SLC47A2: variants seen among roughly 807,000 people sequenced by gnomAD.
SLC47A2 encodes the protein multidrug and toxin extrusion protein 2.
A neutral mutation model predicts 67.7 loss-of-function variants in SLC47A2; 52 were observed. The observed-to-expected ratio is 0.77, with a 90% confidence interval of 0.61 to 0.97. The LOEUF (loss-of-function observed/expected upper bound fraction) is 0.97. SLC47A2 is among the 50% of genes least tolerant of loss of function. The pLI, the probability that SLC47A2 is intolerant of heterozygous loss-of-function variation, is 0.00. For synonymous variants in SLC47A2, 278 were observed against 292.9 expected (o/e 0.95, Z 0.52); for missense variants, 676 against 712.3 (o/e 0.95, Z 0.58).
At chr17:19,680,901 G>C (rs946353788) in intron 15 of SLC47A2, among the ~76,000 whole-genome samples, 2 of 152,178 alleles carry the variant, frequency 1.3e-5, no homozygotes, top group African/African-American at 4.8e-5. Flanking sequence ...AGGAGCCACT[G>C]TTGAGGCTCA....
At chr17:19,682,560 C>T (rs1483703280) in intron 13 of SLC47A2, among the ~76,000 whole-genome samples, 1 of 152,164 alleles carries the variant, frequency 6.6e-6, no homozygotes, top group African/African-American at 2.4e-5. Flanking sequence ...AGCCTCACAT[C>T]TCCTCTGACT....
chr17:19,679,204 G>A (rs771440762), intron 16 of SLC47A2, among the ~76,000 whole-genome samples: 21 of 152,192 alleles, frequency 1.4e-4, no homozygotes, highest in Admixed American at 4.6e-4. Context: ...GGCTTCAAAA[G>A]CACGTGGGAA....
intron 13 of SLC47A2, among the ~76,000 whole-genome samples, chr17:19,699,811 A>T (rs1264331657): frequency 6.6e-6 from 1 of 152,226 alleles, no homozygotes; most frequent in African/African-American, 2.4e-5. Context: ...ACAAATCCAC[A>T]CAAAGACTTC....
chr17:19,697,454 A>C (rs906929652), intron 13 of SLC47A2, among the ~76,000 whole-genome samples: 6 of 152,158 alleles, frequency 3.9e-5, no homozygotes, highest in African/African-American at 1.4e-4. Context: ...CAAAAAGACA[A>C]CCAAAAAAAG....
intron 13 of SLC47A2, among the ~76,000 whole-genome samples, chr17:19,682,781 T>C (rs1008455813): frequency 6.6e-6 from 1 of 152,234 alleles, no homozygotes; most frequent in Non-Finnish European, 1.5e-5. Context: ...GTTGTTAGCT[T>C]ATTCCATATG....
intron 1 of SLC47A2, chr17:19,715,697 G>GGT (rs1555543675): frequency 1.0e-5 from 1 of 99,472 alleles, no homozygotes; most frequent in Non-Finnish European, 1.9e-5. Flanking sequence ...TTTTGGTTTT[G>GGT]TTTTTTTTGT....
At chr17:19,704,640 T>C (rs1402510700) in intron 10 of SLC47A2, 1 of 1,544,562 alleles carries the variant, frequency 6.5e-7, no homozygotes, top group South Asian at 1.2e-5. Flanking sequence ...AGGGATAACA[T>C]GCAGATGCGT....
At chr17:19,704,785 G>T in intron 10 of SLC47A2, 2 of 1,072,164 alleles carry the variant, frequency 1.9e-6, no homozygotes, top group Non-Finnish European at 2.7e-6. Flanking sequence ...GCCGACTGCA[G>T]TGTGCAGGAA....
chr17:19,681,340 G>T (rs1484230376), intron 15 of SLC47A2, 27 bp downstream of exon 15: 2 of 1,562,244 alleles, frequency 1.3e-6, no homozygotes, highest in Non-Finnish European at 1.7e-6. Flanking sequence ...AGGGTGTCTT[G>T]TGGCCAGGGT....
In SLC47A2 at chr17:19,706,703, G is replaced by A. The variant is rs199838072; in HGVS notation, c.786C>T (p.Ser262=). 1.2e-5 allele frequency: 20 copies of A among 1,611,198 alleles called. No homozygotes were observed. The highest frequency in any genetic ancestry group is 5.4e-5 in the African/African-American group (4 of 74,748). The change falls in exon 9 of 17, where the codon AGC becomes AGT. Residue 262 remains serine (S), a synonymous_variant. Transcript: ENST00000433844. ...WGPFFSLAVP[S]MLMICVEWWA... ...ACCACTCAACACAGATCATGAGCAT[G>A]CTGGGGACAGCCAGGGAGAAGAAGG...
At chr17:19,678,951 G>A (rs2085251154) in intron 16 of SLC47A2, 45 bp from the exon 17 acceptor site, 3 of 1,527,402 alleles carry the variant, frequency 2.0e-6, no homozygotes, top group East Asian at 2.5e-5. Context: ...AGGGGTCAGA[G>A]GGAGAGCTTT....
chr17:19,679,928 TAGA>T, intron 16 of SLC47A2, 21 bp downstream of exon 16: 1 of 1,607,088 alleles, frequency 6.2e-7, no homozygotes, highest in African/African-American at 1.3e-5. Context: ...TGTACCAAAG[TAGA>T]AGCAGCGGTG....
In SLC47A2 at chr17:19,713,971, G is replaced by C; in HGVS notation, c.297C>G (p.Ser99Arg). Residue 99 changes from serine to arginine, a missense_variant and splice_region_variant, in exon 4 of 17, where the codon AGC becomes AGG. Physicochemically the swap from Ser to Arg is moderately radical, Grantham distance 110. Transcript: ENST00000433844. ...SSACDTLMSQ[S>R]FGSPNKKHVG... ...CGTGCTTCTTGTTGGGGCTGCCGAA[G>C]CTCTGCAAAACAGCCCGCCCCGCGT... The C allele has an allele frequency of 6.2e-7, 1 of 1,611,908 alleles. No homozygotes were observed. The highest frequency in any genetic ancestry group is 8.5e-7 in the Non-Finnish European group (1 of 1,178,602).
intron 4 of SLC47A2, among the ~76,000 whole-genome samples, chr17:19,713,410 A>AATC (rs1241460728): frequency 6.8e-6 from 1 of 147,590 alleles, no homozygotes; most frequent in Non-Finnish European, 1.5e-5. Context: ...TAATAATAAT[A>AATC]ATAATCATCA....
intron 10 of SLC47A2, chr17:19,704,768 A>AGC (rs1884708649): frequency 2.2e-6 from 3 of 1,360,292 alleles, no homozygotes; most frequent in Admixed American, 4.6e-5. Context: ...GCTGTCACCC[A>AGC]GCTCTGGCCG....
intron 13 of SLC47A2, 66 bp from the exon 14 acceptor site, chr17:19,681,736 A>C: frequency 6.4e-7 from 1 of 1,559,480 alleles, no homozygotes; most frequent in Non-Finnish European, 8.7e-7. Context: ...GTCATGCAGC[A>C]GGCACTGTGC....
intron 13 of SLC47A2, 78 bp from the exon 14 acceptor site, chr17:19,681,748 A>G (rs2085321153): frequency 6.6e-7 from 1 of 1,523,458 alleles, no homozygotes; most frequent in African/African-American, 1.4e-5. Context: ...GCACTGTGCT[A>G]AGCCATTCGC....
intron 13 of SLC47A2, among the ~76,000 whole-genome samples, chr17:19,683,057 A>T (rs1432837835): frequency 1.3e-5 from 2 of 152,164 alleles, no homozygotes; most frequent in African/African-American, 4.8e-5. Flanking sequence ...GGGTTAGGAG[A>T]TGTATGCCTC....
chr17:19,702,749 C>A, intron 12 of SLC47A2, 75 bp from the exon 13 acceptor site: 3 of 1,470,440 alleles, frequency 2.0e-6, no homozygotes, highest in Non-Finnish European at 9.4e-7. Flanking sequence ...CTATTCCACA[C>A]CCCACCCCCA....
Sources: allele counts gnomAD v4.1 joint callset (sites outside exome capture counted in the v4.1 genomes callset), GRCh38; gene constraint gnomAD v4.1.1; transcripts MANE v1.5; gene names NCBI Gene and HGNC (gene_info 2026-07-23, HGNC 2026-07-21).